Variants in TOGARAM2 observed in about 807,000 individuals in gnomAD.
The protein encoded by TOGARAM2 is TOG array regulator of axonemal microtubules protein 2.
A neutral mutation model predicts 93.3 loss-of-function variants in TOGARAM2; 85 were observed. The ratio of observed to expected loss-of-function variants is 0.91; its 90% CI spans 0.76 to 1.09. TOGARAM2 has a LOEUF of 1.09. Among genes scored for constraint, TOGARAM2 ranks in the 50% least tolerant of loss-of-function variants. The probability of loss-of-function intolerance (pLI) is 0.00; values close to 1 mark genes in which losing one functional copy is unlikely to be tolerated. For missense variants in TOGARAM2, 1,277 were observed against 1,334.5 expected, an observed-to-expected ratio of 0.96 and a Z score of 0.67; for synonymous variants, 593 against 552.8, an observed-to-expected ratio of 1.07 and a Z score of -1.02.
At chr2:29,038,799 T>G (rs1666267304) in intron 18 of TOGARAM2, among the ~76,000 whole-genome samples, 1 of 152,212 alleles carries the variant, frequency 6.6e-6, no homozygotes, top group African/African-American at 2.4e-5. Context: ...ATGGGCTATC[T>G]GGGCCTGATG....
Position 29,030,464 on chromosome 2 carries a change from A to G in TOGARAM2, c.2013-2470A>G, listed in dbSNP as rs917074023. Among the ~76,000 whole-genome samples the G allele has an allele frequency of 3.9e-5, 6 of 152,090 alleles. No individual in the cohort carries two copies. In the South Asian group the frequency reaches 1.0e-3, roughly 26 times the overall value. On this transcript the variant is annotated intron_variant, in intron 14 of 19. Transcript: ENST00000379558. ...TTGTGTAACTCTGCCATGCAACGAA[A>G]AAAAAAAGGACGTAGAAGGTTTTGG...
intron 1 of TOGARAM2, among the ~76,000 whole-genome samples, chr2:28,987,849 C>T (rs533064096): frequency 1.1e-4 from 16 of 152,370 alleles, no homozygotes; most frequent in African/African-American, 2.4e-4. Context: ...CATCTGCGAA[C>T]GGCCTTTCTG....
At chr2:29,036,515 G>A (rs1228582773) in intron 17 of TOGARAM2, 26 bp from the exon 18 acceptor site, 3 of 1,612,666 alleles carry the variant, frequency 1.9e-6, no homozygotes, top group Admixed American at 3.3e-5. Flanking sequence ...GTTCCCATGG[G>A]CTCTTGGTTT....
rs1330941162 is a variant in TOGARAM2, at chr2:29,049,519, G to A, written c.2723-2237G>A. On this transcript the variant is annotated intron_variant, in intron 19 of 19. Coordinates refer to ENST00000379558, the MANE Select transcript of TOGARAM2 (RefSeq NM_199280.4). ...TGAGTTATCGTTATTCAGTGTAGGC[G>A]GCTACTCAGGGTCATTCGTTTTCTT... 2.6e-5 allele frequency: 4 copies of A among 152,282 alleles called. No individual in the cohort carries two copies. In the East Asian group the frequency reaches 7.7e-4, roughly 29 times the overall value. The allele number at this position is 152,282 out of a possible 1,614,324, so 9.4% of individuals were successfully genotyped here. A position where few individuals can be genotyped will look rare whatever the true frequency, so the allele number is the denominator to read the frequency against.
Position 29,051,895 on chromosome 2 carries a change from C to T in TOGARAM2, c.2862C>T (p.Cys954=), listed in dbSNP as rs1458296534. The part of the protein sequence containing the change: ...GPSGNIRGVV[C]RLSRSLQEHM... ...GCGGGAACATCCGCGGGGTGGTGTG[C>T]CGGCTGTCCAGGAGCCTCCAGGAGC... Residue 954 remains cysteine (C), a synonymous_variant, in exon 20 of 20, where the codon TGC becomes TGT. Coordinates refer to ENST00000379558, the MANE Select transcript of TOGARAM2 (RefSeq NM_199280.4). 3 of 1,580,780 alleles carry T rather than the reference C, an allele frequency of 1.9e-6. No homozygotes were observed. Among genetic ancestry groups the T allele is most frequent in the Admixed American group, 1.8e-5 (1 of 54,744 alleles).
In TOGARAM2 at chr2:29,017,227, G is replaced by C. The variant is rs772222478; in HGVS notation, c.1118G>C (p.Arg373Pro). The C allele has an allele frequency of 8.7e-6, 14 of 1,613,914 alleles. No individual in the cohort carries two copies. The highest frequency in any genetic ancestry group is 1.2e-5 in the Non-Finnish European group (14 of 1,179,856). ...CAGATGAAGGAGATGGAGCTGCTTC[G>C]GAGGCTGGAGGAGCCCAGGACAGGG... Reference protein sequence around the residue: ...LKQMKEMELLRRLEEPRTGQE... With the variant: ...LKQMKEMELLPRLEEPRTGQE... The change falls in exon 9 of 20, where the codon CGG (arginine) becomes CCG (proline). Residue 373 changes from arginine to proline, a missense_variant. Arg to Pro is a moderately radical substitution (Grantham distance 103). Transcript: ENST00000379558.
At chr2:28,993,156 A>G (rs532921919) in intron 1 of TOGARAM2, among the ~76,000 whole-genome samples, 1 of 152,204 alleles carries the variant, frequency 6.6e-6, no homozygotes, top group East Asian at 1.9e-4. Flanking sequence ...TGGGGCGTGG[A>G]AATCTGTAAT....
chr2:29,028,395 G>T (rs1480207161), intron 14 of TOGARAM2, among the ~76,000 whole-genome samples: 1 of 152,192 alleles, frequency 6.6e-6, no homozygotes, highest in Non-Finnish European at 1.5e-5. Flanking sequence ...CCAGGAGCAG[G>T]ACCGTGGGTC....
intron 1 of TOGARAM2, among the ~76,000 whole-genome samples, chr2:28,963,962 G>A (rs111949314): frequency 5.1e-4 from 78 of 152,226 alleles, no homozygotes; most frequent in African/African-American, 1.9e-3. Context: ...AGCCAAGATC[G>A]CGCCATTGCA....
chr2:29,001,835 A>G (rs1673317346), intron 4 of TOGARAM2, among the ~76,000 whole-genome samples: 1 of 149,478 alleles, frequency 6.7e-6, no homozygotes, highest in Non-Finnish European at 1.5e-5. Flanking sequence ...TTGAGGCCAG[A>G]ATGAAAGTTA....
chr2:28,982,423 G>T (rs1672239132), intron 1 of TOGARAM2, among the ~76,000 whole-genome samples: 1 of 152,146 alleles, frequency 6.6e-6, no homozygotes, highest in African/African-American at 2.4e-5. Context: ...TTGGTGCCTG[G>T]CCCCAGGAAG....
chr2:29,045,522 A>G lies in TOGARAM2; in HGVS notation c.2722+112A>G, dbSNP rs560179629. 9.0e-6 allele frequency: 8 copies of G among 891,282 alleles called. No homozygotes were observed. The East Asian group carries it at 1.3e-4, about 14-fold the overall frequency. 55.2% of individuals were successfully genotyped at this position (891,282 alleles called of 1,614,324 possible). ...CTTAGACCTGAAATAATCCCCCCCA[A>G]TCATTTAAAATTTTGAAAATCTGCT... is the stretch of plus-strand genomic sequence containing the variant. On this transcript the variant is annotated intron_variant, in intron 19 of 19. Transcript: ENST00000379558.
chr2:28,991,532 G>C (rs1165700550), intron 1 of TOGARAM2, among the ~76,000 whole-genome samples: 1 of 152,206 alleles, frequency 6.6e-6, no homozygotes, highest in African/African-American at 2.4e-5. Flanking sequence ...GAGAACTCTG[G>C]CTGGAGACGT....
chr2:29,004,465 G>A (rs1159019072), intron 6 of TOGARAM2, among the ~76,000 whole-genome samples: 1 of 152,264 alleles, frequency 6.6e-6, no homozygotes, highest in Admixed American at 6.5e-5. Context: ...GAGGATCTTT[G>A]TGTTGGCATA....
Position 29,033,338 on chromosome 2 carries a change from G to T in TOGARAM2, c.2131-131G>T. 3.4e-6 allele frequency: 3 copies of T among 869,632 alleles called. No individual in the cohort carries two copies. In the South Asian group the frequency reaches 5.0e-5, roughly 14 times the overall value. 53.9% of individuals were successfully genotyped at this position (869,632 alleles called of 1,614,324 possible). On this transcript the variant is annotated intron_variant, in intron 15 of 19. Transcript: ENST00000379558. ...CCAGCTGCTTTCAGGGCTCTGGAAG[G>T]CTCAACTGTGACATCTGAAGCTCTC...
intron 1 of TOGARAM2, among the ~76,000 whole-genome samples, chr2:28,984,961 T>C (rs1234196616): frequency 6.6e-6 from 1 of 152,186 alleles, no homozygotes; most frequent in African/African-American, 2.4e-5. Context: ...TGGCAGCCAG[T>C]GTGATGCCTA....
chr2:29,032,945 G>A lies in TOGARAM2; in HGVS notation c.2024G>A (p.Arg675Gln), dbSNP rs891805775. The A allele has an allele frequency of 2.7e-5, 44 of 1,613,218 alleles. No individual in the cohort carries two copies. The highest frequency in any genetic ancestry group is 1.1e-4 in the African/African-American group (8 of 74,902). The part of the protein sequence containing the change: ...DSNQDTRFYG[R>Q]KMVNILMANT... ...CTCTCCTGTGGCAGATTTTATGGCC[G>A]GAAGATGGTGAATATCTTGATGGCG... The change falls in exon 15 of 20, where the codon CGG (arginine) becomes CAG (glutamine). Residue 675 changes from arginine (R) to glutamine (Q), a missense_variant. Physicochemically the swap from Arg to Gln is conservative, Grantham distance 43 (BLOSUM62 1). Transcript: ENST00000379558.
chr2:29,033,153 C>T, intron 15 of TOGARAM2, 102 bp downstream of exon 15: 1 of 915,904 alleles, frequency 1.1e-6, no homozygotes. Context: ...GGAGTGGATT[C>T]CAGAGATGTT....
chr2:28,975,183 T>A lies in TOGARAM2; in HGVS notation c.-147+18486T>A, dbSNP rs1265342101. On this transcript the variant is annotated intron_variant, in intron 1 of 6. Coordinates refer to the TOGARAM2 transcript ENST00000401723. ...TCTTTGCTGAGACGTTTTATTTTTT[T>A]AATTTTTATTGTTATTATTTTTTGA... 2.6e-5 allele frequency among the ~76,000 whole-genome samples: 4 copies of A among 152,136 alleles called. No homozygotes were observed. In the East Asian group the frequency reaches 5.8e-4, roughly 22 times the overall value.
Sources: allele counts gnomAD v4.1 joint callset (sites outside exome capture counted in the v4.1 genomes callset), GRCh38; gene constraint gnomAD v4.1.1; transcripts MANE v1.5; gene names NCBI Gene and HGNC (gene_info 2026-07-23, HGNC 2026-07-21).